The following LRRC7 variants were observed in gnomAD, a reference collection of about 807,000 sequenced individuals.
The protein encoded by LRRC7 is leucine-rich repeat-containing protein 7.
A neutral mutation model predicts 175.7 loss-of-function variants in LRRC7; 23 were observed. The ratio of observed to expected loss-of-function variants is 0.13; its 90% CI spans 0.09 to 0.19. The LOEUF (loss-of-function observed/expected upper bound fraction) is 0.19, where lower values mean the gene tolerates loss of function less well. Ranked by LOEUF, LRRC7 falls within the 10% of genes least tolerant of loss-of-function variation. The probability of loss-of-function intolerance (pLI) is 1.00; values close to 1 mark genes in which losing one functional copy is unlikely to be tolerated. For missense variants in LRRC7, 1,354 were observed against 1,904.7 expected, an observed-to-expected ratio of 0.71 and a Z score of 5.38; for synonymous variants, 685 against 680.9, an observed-to-expected ratio of 1.01 and a Z score of -0.09.
chr1:69,827,462 A>G (rs1312362123), intron 5 of LRRC7, among the ~76,000 whole-genome samples: 2 of 152,180 alleles, frequency 1.3e-5, no homozygotes, highest in Non-Finnish European at 2.9e-5. Flanking sequence ...TAAACATTAA[A>G]CAGTTTTGAA....
intron 23 of LRRC7, among the ~76,000 whole-genome samples, chr1:70,074,134 G>A (rs751439725): frequency 9.2e-5 from 14 of 151,760 alleles, no homozygotes; most frequent in East Asian, 1.9e-4. Flanking sequence ...CCTGGGAGAC[G>A]GAGGATGCAG....
chr1:69,622,823 A>G (rs1650847337), intron 1 of LRRC7, among the ~76,000 whole-genome samples: 1 of 152,178 alleles, frequency 6.6e-6, no homozygotes, highest in South Asian at 2.1e-4. Context: ...TTTGGCAAGT[A>G]AAAACTCAAG....
At chr1:69,617,735 C>G (rs1773339) in intron 1 of LRRC7, among the ~76,000 whole-genome samples, 19,374 of 151,694 alleles carry the variant, frequency 0.13, 1,576 homozygotes, top group South Asian at 0.19. Flanking sequence ...CTGTTTTACA[C>G]TTCTTCCCAC....
chr1:69,709,478 A>G (rs1282747242), intron 2 of LRRC7, among the ~76,000 whole-genome samples: 1 of 152,194 alleles, frequency 6.6e-6, no homozygotes, highest in East Asian at 1.9e-4. Context: ...GGTGTGGTGA[A>G]CACAGCTTTG....
chr1:70,019,589 G>T (rs12035691), intron 15 of LRRC7, among the ~76,000 whole-genome samples: 7,086 of 151,944 alleles, frequency 0.047, 174 homozygotes, highest in South Asian at 0.1. Flanking sequence ...ACTTGTAAAA[G>T]AAACCATTTG....
At chr1:69,579,117 C>T (rs1285721138) in intron 1 of LRRC7, among the ~76,000 whole-genome samples, 3 of 151,802 alleles carry the variant, frequency 2.0e-5, no homozygotes, top group Non-Finnish European at 4.4e-5. Flanking sequence ...TATTGGGTGT[C>T]AAGAGTTGTA....
At chr1:70,062,740 A>G (rs904032060) in intron 23 of LRRC7, among the ~76,000 whole-genome samples, 2 of 152,104 alleles carry the variant, frequency 1.3e-5, no homozygotes, top group Non-Finnish European at 2.9e-5. Flanking sequence ...TTATTTAATG[A>G]TCCATTTCAA....
chr1:70,057,544 GA>G (rs1309137782), intron 23 of LRRC7, among the ~76,000 whole-genome samples: 1 of 151,992 alleles, frequency 6.6e-6, no homozygotes, highest in Non-Finnish European at 1.5e-5. Flanking sequence ...AAGTGGTGAA[GA>G]ATTCTTAGCC....
At chr1:69,653,451 A>G (rs1377897398) in intron 1 of LRRC7, among the ~76,000 whole-genome samples, 1 of 152,176 alleles carries the variant, frequency 6.6e-6, no homozygotes, top group African/African-American at 2.4e-5. Context: ...CAAGATGGTC[A>G]TAATCAGTTT....
intron 4 of LRRC7, among the ~76,000 whole-genome samples, chr1:69,813,380 A>T (rs1047913128): frequency 6.6e-6 from 1 of 152,138 alleles, no homozygotes; most frequent in African/African-American, 2.4e-5. Context: ...TCTGAAGTGC[A>T]GTCTTGAGGC....
At chr1:69,759,751 A>T (rs1670833273) in intron 2 of LRRC7, among the ~76,000 whole-genome samples, 1 of 152,066 alleles carries the variant, frequency 6.6e-6, no homozygotes, top group Non-Finnish European at 1.5e-5. Context: ...GGATTGAAAC[A>T]TGAATATTTT....
rs141797462 is a variant in LRRC7 at position 70,063,391 on chromosome 1, A to C, written c.4230+10246A>C. 3.8e-3 allele frequency among the ~76,000 whole-genome samples: 584 copies of C among 152,192 alleles called. 3 individuals carry two copies. The highest frequency in any genetic ancestry group is 0.013 in the African/African-American group (536 of 41,560). On this transcript the variant is annotated intron_variant, in intron 23 of 26. Transcript: ENST00000651989. ...AATGCAGAATTAATCCAATGCCATA[A>C]AAATGTTCCGGGTTGAATATGTGAT...
chr1:69,685,062 C>G (rs1311790662), intron 2 of LRRC7, among the ~76,000 whole-genome samples: 2 of 152,140 alleles, frequency 1.3e-5, no homozygotes, highest in Non-Finnish European at 2.9e-5. Context: ...ATTAGAGAAT[C>G]CAGAGCAGCA....
At chr1:69,867,055 C>T (rs1427868365) in intron 7 of LRRC7, among the ~76,000 whole-genome samples, 1 of 152,032 alleles carries the variant, frequency 6.6e-6, no homozygotes, top group East Asian at 1.9e-4. Flanking sequence ...AATTATCATA[C>T]ACCTCAATGT....
At chr1:69,925,881 A>T (rs1008320365) in intron 7 of LRRC7, among the ~76,000 whole-genome samples, 1 of 139,306 alleles carries the variant, frequency 7.2e-6, no homozygotes, top group African/African-American at 2.5e-5. Flanking sequence ...TAGTTCTTTT[A>T]ATTGTGATGT....
At chr1:70,104,894 A>G (rs932333806) in intron 25 of LRRC7, among the ~76,000 whole-genome samples, 1 of 152,216 alleles carries the variant, frequency 6.6e-6, no homozygotes, top group Non-Finnish European at 1.5e-5. Flanking sequence ...CTGTTCCTGT[A>G]CAATGAGCTA....
chr1:69,882,502 T>C (rs1158803685), intron 7 of LRRC7, among the ~76,000 whole-genome samples: 1 of 152,154 alleles, frequency 6.6e-6, no homozygotes, highest in Non-Finnish European at 1.5e-5. Flanking sequence ...GCATTATATA[T>C]GTACATACCT....
At chr1:69,729,129 T>G (rs1667288205) in intron 2 of LRRC7, among the ~76,000 whole-genome samples, 1 of 152,118 alleles carries the variant, frequency 6.6e-6, no homozygotes, top group African/African-American at 2.4e-5. Flanking sequence ...ATGATTCCAT[T>G]ACCTCCCACT....
chr1:69,860,566 T>G (rs1222133085), intron 7 of LRRC7, among the ~76,000 whole-genome samples: 1 of 151,934 alleles, frequency 6.6e-6, no homozygotes, highest in Non-Finnish European at 1.5e-5. Context: ...TAATATATAC[T>G]AGAATGAATA....
Sources: allele counts gnomAD v4.1 joint callset (sites outside exome capture counted in the v4.1 genomes callset), GRCh38; gene constraint gnomAD v4.1.1; transcripts MANE v1.5; gene names NCBI Gene and HGNC (gene_info 2026-07-23, HGNC 2026-07-21).